ACOXL: variants seen among roughly 807,000 people sequenced by gnomAD.
ACOXL encodes acyl-coenzyme A oxidase-like protein.
In ACOXL, 70 loss-of-function variants were observed where a neutral mutation model predicts 71.9. That is an observed-to-expected ratio of 0.97 (90% CI 0.80 to 1.19). The LOEUF is 1.19. Among genes scored for constraint, ACOXL ranks in the 50% most tolerant of loss-of-function variants. The probability of loss-of-function intolerance (pLI) is 0.00; values close to 1 mark genes in which losing one functional copy is unlikely to be tolerated. For synonymous variants in ACOXL, 253 were observed against 281.6 expected (o/e 0.90, Z 1.02); for missense variants, 703 against 736.3 (o/e 0.95, Z 0.52).
chr2:110,987,106 A>G lies in ACOXL; in HGVS notation c.1060-2A>G. ...CTGATGAGCGATAAACTCTTTGCACAGGTTGTGGGGCGGGAACTGCTGGCC... is the reference window on the plus strand; with the variant it reads ...CTGATGAGCGATAAACTCTTTGCACGGGTTGTGGGGCGGGAACTGCTGGCC... On this transcript the variant is annotated splice_acceptor_variant, in intron 12 of 17. Coordinates refer to ENST00000439055, the MANE Select transcript of ACOXL (RefSeq NM_001142807.4). LOFTEE classifies it high-confidence loss of function. The G allele has an allele frequency of 6.4e-7, 1 of 1,563,072 alleles. No homozygotes were observed. Among genetic ancestry groups the G allele is most frequent in the Non-Finnish European group, 8.7e-7 (1 of 1,151,186 alleles).
At chr2:110,754,943 C>T (rs997221733) in intron 1 of ACOXL, among the ~76,000 whole-genome samples, 17 of 152,196 alleles carry the variant, frequency 1.1e-4, no homozygotes, top group Admixed American at 5.2e-4. Context: ...CTACCTCCAG[C>T]GAATGAGGGG....
At chr2:110,884,829 G>T (rs763404685) in intron 10 of ACOXL, among the ~76,000 whole-genome samples, 6 of 152,006 alleles carry the variant, frequency 3.9e-5, no homozygotes, top group African/African-American at 7.3e-5. Context: ...GATAAAGTTG[G>T]TTTTTTCCGT....
intron 15 of ACOXL, among the ~76,000 whole-genome samples, chr2:111,033,329 A>T (rs1345270442): frequency 4.6e-5 from 7 of 152,342 alleles, no homozygotes; most frequent in Middle Eastern, 3.4e-3. Flanking sequence ...ACTTATCTTA[A>T]TTGAACTCAA....
chr2:110,987,168 G>A lies in ACOXL; in HGVS notation c.1120G>A (p.Gly374Ser). 1.3e-6 allele frequency: 2 copies of A among 1,579,966 alleles called. No individual in the cohort carries two copies. The highest frequency in any genetic ancestry group is 1.2e-5 in the South Asian group (1 of 86,602). Residue 374 changes from glycine to serine, a missense_variant, in exon 13 of 18, where the codon GGC (glycine) becomes AGC (serine). Physicochemically the swap from Gly to Ser is moderately conservative, Grantham distance 56. Coordinates refer to ENST00000439055, the MANE Select transcript of ACOXL (RefSeq NM_001142807.4). ...TKQYEEKPLF[G>S]LLQNWAESVG... ...ACAGTATGAAGAAAAACCACTCTTT[G>A]GCCTGCTCCAAAACTGGGCTGAATC...
intron 17 of ACOXL, chr2:111,115,409 T>A (rs1157015449): frequency 1.3e-5 from 2 of 152,238 alleles, no homozygotes; most frequent in African/African-American, 4.8e-5. Context: ...TTTTTAAAAA[T>A]TTTTAAAACG....
In ACOXL at chr2:110,915,730, A is replaced by G. The variant is rs184038929; in HGVS notation, c.905+6825A>G. The stretch of plus-strand genomic sequence containing the variant: ...GGCGTGAGCCACTGTACCTGGCCAT[A>G]TTATATATTTTTTATATTACTAGAG... On this transcript the variant is annotated intron_variant, in intron 11 of 17. Coordinates refer to ENST00000439055, the MANE Select transcript of ACOXL (RefSeq NM_001142807.4). 4.6e-5 allele frequency among the ~76,000 whole-genome samples: 7 copies of G among 151,928 alleles called. No homozygotes were observed. The East Asian group carries it at 1.4e-3, about 29-fold the overall frequency.
intron 15 of ACOXL, among the ~76,000 whole-genome samples, chr2:111,046,371 C>T (rs534767258): frequency 3.3e-5 from 5 of 152,294 alleles, no homozygotes; most frequent in African/African-American, 4.8e-5. Flanking sequence ...ACTCCCCATG[C>T]TGGCCCTGGA....
At position 111,117,657 on chromosome 2, in the gene ACOXL, G is replaced by A. The variant is rs752210639; in HGVS notation, c.1584G>A (p.Arg528=). The change falls in exon 18 of 18, where the codon AGG becomes AGA. Residue 528 remains arginine (R), a synonymous_variant. Transcript: ENST00000439055. The part of the protein sequence containing the change: ...LCDSVKDDAR[R]VISTFNIPHT... ...ACTCGGTGAAGGATGATGCCCGGAG[G>A]GTGATCTCGACCTTTAACATTCCAC... The A allele has an allele frequency of 1.2e-5, 18 of 1,551,752 alleles. No homozygotes were observed. The East Asian group carries it at 1.5e-4, about 13-fold the overall frequency.
intron 12 of ACOXL, among the ~76,000 whole-genome samples, chr2:110,939,724 G>A (rs1054259423): frequency 9.9e-5 from 15 of 152,216 alleles, no homozygotes; most frequent in South Asian, 2.1e-4. Flanking sequence ...AGCCCTGGAT[G>A]GCTTTGAATG....
chr2:110,844,250 T>C (rs567390033), intron 10 of ACOXL, among the ~76,000 whole-genome samples: 1 of 152,250 alleles, frequency 6.6e-6, no homozygotes, highest in East Asian at 1.9e-4. Context: ...TCTTCAATAC[T>C]GTGGAAACGG....
intron 12 of ACOXL, among the ~76,000 whole-genome samples, chr2:110,958,788 T>C (rs985375517): frequency 1.3e-5 from 2 of 152,204 alleles, no homozygotes; most frequent in Non-Finnish European, 2.9e-5. Context: ...ACCCTGGGCA[T>C]CCTGGGACAC....
intron 11 of ACOXL, among the ~76,000 whole-genome samples, 185 bp downstream of exon 11, chr2:110,909,090 C>G (rs2059560948): frequency 6.6e-6 from 1 of 152,110 alleles, no homozygotes; most frequent in Non-Finnish European, 1.5e-5. Flanking sequence ...TGTTTTTAAC[C>G]TGGACATCTG....
chr2:111,058,748 G>C (rs1160770671), intron 16 of ACOXL, among the ~76,000 whole-genome samples: 1 of 152,014 alleles, frequency 6.6e-6, no homozygotes, highest in Non-Finnish European at 1.5e-5. Context: ...CCAGAACCCA[G>C]GAAAATGCCC....
chr2:110,971,773 CTG>C (rs1300202807), intron 12 of ACOXL, among the ~76,000 whole-genome samples: 2 of 152,152 alleles, frequency 1.3e-5, no homozygotes, highest in Non-Finnish European at 2.9e-5. Context: ...TAAAAGTTGT[CTG>C]TTTTTTGTCT....
rs1046187472 is a variant in ACOXL at position 110,925,697 on chromosome 2, T to C, written c.906-7792T>C. 2.6e-5 allele frequency among the ~76,000 whole-genome samples: 4 copies of C among 152,224 alleles called. No individual in the cohort carries two copies. The East Asian group carries it at 7.7e-4, about 29-fold the overall frequency. The stretch of plus-strand genomic sequence containing the variant: ...ATCAGCAAAAGTCTGTTTTGCTTTC[T>C]TATCATTTGTGTGTTCACTGGAGTA... On this transcript the variant is annotated intron_variant, in intron 11 of 17. Transcript: ENST00000439055.
rs2068611981 is a variant in ACOXL at position 111,092,943 on chromosome 2, G to A, written c.1519G>A (p.Ala507Thr). 6.2e-7 allele frequency: 1 copy of A among 1,614,012 alleles called. No individual in the cohort carries two copies. The highest frequency in any genetic ancestry group is 8.5e-7 in the Non-Finnish European group (1 of 1,179,978). ...YLEHKYLTPM[A>T]STRIRNQLLD... is the part of the protein sequence containing the mutation. ...AGAACATAAATACTTGACTCCCATGGCCAGCACGAGGATCAGGAATCAGGT... is the reference window on the plus strand; with the variant it reads ...AGAACATAAATACTTGACTCCCATGACCAGCACGAGGATCAGGAATCAGGT... Residue 507 changes from alanine (A) to threonine (T), a missense_variant, in exon 17 of 18, where the codon GCC becomes ACC. Physicochemically the swap from Ala to Thr is moderately conservative, Grantham distance 58. Transcript: ENST00000439055.
intron 11 of ACOXL, among the ~76,000 whole-genome samples, chr2:110,925,211 G>A (rs2149309494): frequency 6.6e-6 from 1 of 152,302 alleles, no homozygotes; most frequent in Non-Finnish European, 1.5e-5. Flanking sequence ...ATGGCCTTAG[G>A]ATTTTTGAAA....
At chr2:110,925,835 A>G (rs1224974289) in intron 11 of ACOXL, among the ~76,000 whole-genome samples, 1 of 143,774 alleles carries the variant, frequency 7.0e-6, no homozygotes, top group Non-Finnish European at 1.5e-5. Flanking sequence ...CTTCCTCACT[A>G]GGCTTAATTA....
chr2:110,843,060 G>A (rs1436279363), intron 10 of ACOXL, among the ~76,000 whole-genome samples: 2 of 152,170 alleles, frequency 1.3e-5, no homozygotes, highest in African/African-American at 2.4e-5. Context: ...AACCAACTGT[G>A]TGGTATGGTG....
Sources: allele counts gnomAD v4.1 joint callset (sites outside exome capture counted in the v4.1 genomes callset), GRCh38; gene constraint gnomAD v4.1.1; transcripts MANE v1.5; gene names NCBI Gene and HGNC (gene_info 2026-07-23, HGNC 2026-07-21).